DLG2: variants seen among roughly 807,000 people sequenced by gnomAD.
DLG2 encodes the protein disks large homolog 2.
DLG2 carries 45 observed loss-of-function variants against 132.5 expected under a neutral mutation model. The observed-to-expected ratio is 0.34, with a 90% CI of 0.27 to 0.44. DLG2 has a LOEUF of 0.44. Among genes scored for constraint, DLG2 ranks in the 20% least tolerant of loss-of-function variants. The pLI, the probability that DLG2 is intolerant of heterozygous loss-of-function variation, is 1.00. For missense variants in DLG2, 1,045 were observed against 1,196.9 expected (o/e 0.87, Z 1.87); for synonymous variants, 424 against 419.6 (o/e 1.01, Z -0.13).
At chr11:85,314,579 G>C (rs1327254260) in intron 3 of DLG2, among the ~76,000 whole-genome samples, 1 of 151,880 alleles carries the variant, frequency 6.6e-6, no homozygotes, top group East Asian at 1.9e-4. Context: ...AGTAGAGCCT[G>C]AGGCAAATTA....
intron 6 of DLG2, among the ~76,000 whole-genome samples, chr11:84,855,037 G>A (rs2082608530): frequency 6.6e-6 from 1 of 151,992 alleles, no homozygotes; most frequent in Non-Finnish European, 1.5e-5. Flanking sequence ...TCAAATGGAG[G>A]ACAGGAAGCC....
At chr11:84,947,104 G>A (rs2050315733) in intron 6 of DLG2, among the ~76,000 whole-genome samples, 1 of 152,218 alleles carries the variant, frequency 6.6e-6, no homozygotes, top group South Asian at 2.1e-4. Flanking sequence ...GGGGATGGGT[G>A]AGGGATGATG....
chr11:83,671,490 C>T (rs1566451411), intron 18 of DLG2, among the ~76,000 whole-genome samples: 1 of 152,098 alleles, frequency 6.6e-6, no homozygotes, highest in Non-Finnish European at 1.5e-5. Flanking sequence ...TGAGCTCCCT[C>T]TGGTGATAAG....
At chr11:85,487,957 G>A (rs1215554663) in intron 3 of DLG2, among the ~76,000 whole-genome samples, 2 of 152,228 alleles carry the variant, frequency 1.3e-5, no homozygotes, top group Non-Finnish European at 2.9e-5. Context: ...GAGGGACCCA[G>A]TGGGAGATAA....
At chr11:85,154,696 G>T (rs904603477) in intron 4 of DLG2, 45 bp from the exon 5 acceptor site, 18 of 927,714 alleles carry the variant, frequency 1.9e-5, no homozygotes, top group African/African-American at 3.3e-5. Flanking sequence ...TTTATTTTCT[G>T]CAATGTATAT....
intron 7 of DLG2, among the ~76,000 whole-genome samples, chr11:84,445,783 G>GC (rs2099032170): frequency 6.6e-6 from 1 of 151,852 alleles, no homozygotes; most frequent in Non-Finnish European, 1.5e-5. Flanking sequence ...GGGTGTGGTA[G>GC]CGGGCGCCTG....
At chr11:84,733,326 C>T (rs546022846) in intron 6 of DLG2, among the ~76,000 whole-genome samples, 111 of 152,080 alleles carry the variant, frequency 7.3e-4, no homozygotes, top group Middle Eastern at 3.4e-3. Context: ...TTTTAATGAT[C>T]GCCATTCTAA....
intron 6 of DLG2, among the ~76,000 whole-genome samples, chr11:85,072,816 A>G (rs899672707): frequency 6.6e-6 from 1 of 151,832 alleles, no homozygotes; most frequent in Non-Finnish European, 1.5e-5. Context: ...AATGCCATCT[A>G]CAAATCTGGC....
chr11:84,324,992 C>T (rs1456306528), intron 7 of DLG2, among the ~76,000 whole-genome samples: 6 of 151,984 alleles, frequency 3.9e-5, no homozygotes, highest in Admixed American at 3.9e-4. Context: ...TTCTTCCTTT[C>T]CAATTGAGGT....
At chr11:83,460,157 T>C (rs1415436698) in intron 27 of DLG2, among the ~76,000 whole-genome samples, 1 of 152,220 alleles carries the variant, frequency 6.6e-6, no homozygotes, top group Admixed American at 6.5e-5. Context: ...ATTCACAGTC[T>C]TTGCACTTTC....
At chr11:83,947,394 C>T (rs901312898) in intron 14 of DLG2, among the ~76,000 whole-genome samples, 1 of 152,144 alleles carries the variant, frequency 6.6e-6, no homozygotes, top group Non-Finnish European at 1.5e-5. Context: ...GAAAACATCA[C>T]TGAATCAATA....
At chr11:85,085,958 T>A (rs2067872154) in intron 6 of DLG2, among the ~76,000 whole-genome samples, 1 of 152,182 alleles carries the variant, frequency 6.6e-6, no homozygotes. Flanking sequence ...CTATCCTAAG[T>A]GGTTAGGTTG....
chr11:85,222,206 T>A (rs1301611396), intron 4 of DLG2, among the ~76,000 whole-genome samples: 1 of 152,154 alleles, frequency 6.6e-6, no homozygotes, highest in East Asian at 1.9e-4. Context: ...CCTCAAGTGA[T>A]CCGCCTGTCT....
At chr11:84,503,594 G>A (rs1025827540) in intron 7 of DLG2, among the ~76,000 whole-genome samples, 1 of 152,164 alleles carries the variant, frequency 6.6e-6, no homozygotes. Flanking sequence ...AGAGACCTCT[G>A]TGGCCAAGCT....
At chr11:85,188,707 T>A (rs2080308044) in intron 4 of DLG2, among the ~76,000 whole-genome samples, 1 of 152,166 alleles carries the variant, frequency 6.6e-6, no homozygotes, top group African/African-American at 2.4e-5. Context: ...AGTATAACAT[T>A]TAATAACTGA....
chr11:85,156,245 G>GTA (rs1594906185), intron 4 of DLG2, among the ~76,000 whole-genome samples: 1 of 152,056 alleles, frequency 6.6e-6, no homozygotes, highest in African/African-American at 2.4e-5. Context: ...AAATGTATAT[G>GTA]TATATATATG....
intron 4 of DLG2, among the ~76,000 whole-genome samples, chr11:85,279,711 C>A (rs764101823): frequency 2.0e-5 from 3 of 151,798 alleles, no homozygotes; most frequent in Non-Finnish European, 4.4e-5. Context: ...AAAAAATAAA[C>A]AAGCAAACAG....
chr11:85,431,014 G>C (rs887525468), intron 3 of DLG2, among the ~76,000 whole-genome samples: 2 of 152,030 alleles, frequency 1.3e-5, no homozygotes, highest in Admixed American at 1.3e-4. Context: ...ATGATTTTGG[G>C]TTTCAAATAA....
At chr11:83,855,728 A>G (rs936225918) in intron 16 of DLG2, among the ~76,000 whole-genome samples, 2 of 152,130 alleles carry the variant, frequency 1.3e-5, no homozygotes, top group African/African-American at 2.4e-5. Context: ...GTTCAGGGAT[A>G]CATCAGGAGG....
Sources: allele counts gnomAD v4.1 joint callset (sites outside exome capture counted in the v4.1 genomes callset), GRCh38; gene constraint gnomAD v4.1.1; transcripts MANE v1.5; gene names NCBI Gene and HGNC (gene_info 2026-07-23, HGNC 2026-07-21).